The following OGFOD1 variants were observed in gnomAD, a reference collection of about 807,000 sequenced individuals.
OGFOD1 encodes 2-oxoglutarate and iron dependent oxygenase domain containing 1.
OGFOD1 carries 54 observed loss-of-function variants against 67.7 expected under a neutral mutation model. The ratio of observed to expected loss-of-function variants is 0.80; its 90% confidence interval spans 0.64 to 1.00. The LOEUF (loss-of-function observed/expected upper bound fraction) is 1.00. Among genes scored for constraint, OGFOD1 ranks in the 50% least tolerant of loss-of-function variants. The probability of loss-of-function intolerance (pLI) is 0.00; values close to 1 mark genes in which losing one functional copy is unlikely to be tolerated. For synonymous variants in OGFOD1, 221 were observed against 227.0 expected, an observed-to-expected ratio of 0.97 and a Z score of 0.24; for missense variants, 606 against 646.7, an observed-to-expected ratio of 0.94 and a Z score of 0.68.
chr16:56,476,745 C>T lies in OGFOD1; in HGVS notation c.*540C>T, dbSNP rs946958482. The T allele has an allele frequency of 6.6e-6, 1 of 152,288 alleles. No homozygotes were observed. The highest frequency in any genetic ancestry group is 1.5e-5 in the Non-Finnish European group (1 of 68,334). The allele number at this position is 152,288 out of a possible 1,614,324, so 9.4% of individuals were successfully genotyped here. A position where few individuals can be genotyped will look rare whatever the true frequency, so the allele number is the denominator to read the frequency against. ...TATTTCTCATGTAAGTGGAATCATA[C>T]AGTATTTGTCCTTTTGTGACTGGTT... On this transcript the variant is annotated 3_prime_UTR_variant, in exon 13 of 13. Transcript: ENST00000566157.
At chr16:56,461,333 C>T (rs1269879829) in intron 3 of OGFOD1, among the ~76,000 whole-genome samples, 1 of 152,184 alleles carries the variant, frequency 6.6e-6, no homozygotes. Flanking sequence ...GCTGAACTCC[C>T]ATGGAAGTGC....
Position 56,470,051 on chromosome 16 carries a change from G to A in OGFOD1, c.949G>A (p.Glu317Lys). The change falls in exon 9 of 13, where the codon GAA (glutamate) becomes AAA (lysine). Residue 317 changes from glutamate (E) to lysine (K), a missense_variant. Physicochemically the swap from Glu to Lys is moderately conservative, Grantham distance 56 (BLOSUM62 1). Coordinates refer to ENST00000566157, the MANE Select transcript of OGFOD1 (RefSeq NM_018233.4). ...TGAGGCCTTGGAGCATGGACATGTG[G>A]AATGGAGCAGCCGAGGTCCCCCTAA... is the stretch of plus-strand genomic sequence containing the variant. ...VCEALEHGHV[E>K]WSSRGPPNKR... 6.2e-7 allele frequency: 1 copy of A among 1,614,058 alleles called. No homozygotes were observed. Among genetic ancestry groups the A allele is most frequent in the African/African-American group, 1.3e-5 (1 of 74,982 alleles).
Position 56,451,593 on chromosome 16 carries a change from G to C in OGFOD1, c.-20G>C. The stretch of plus-strand genomic sequence containing the variant: ...GTAGCGTCTTGATCTGCGTGGCGTG[G>C]TTCTGTGCCTTGGGAAGAGATGAAT... On this transcript the variant is annotated 5_prime_UTR_variant, in exon 1 of 13. Coordinates refer to ENST00000566157, the MANE Select transcript of OGFOD1 (RefSeq NM_018233.4). The C allele has an allele frequency of 6.2e-7, 1 of 1,612,934 alleles. No homozygotes were observed. Among genetic ancestry groups the C allele is most frequent in the Non-Finnish European group, 8.5e-7 (1 of 1,179,926 alleles).
rs577991432 is a variant in OGFOD1 at position 56,475,028 on chromosome 16, A to G, written c.1408+78A>G. On this transcript the variant is annotated intron_variant, in intron 11 of 12. Coordinates refer to ENST00000566157, the MANE Select transcript of OGFOD1 (RefSeq NM_018233.4). ...CTTCTGAGGGACCCTTTCCAGCTGA[A>G]CCAATTCATAAGTAATTTGCCTAGT... The G allele has an allele frequency of 5.0e-5, 73 of 1,459,908 alleles. No homozygotes were observed. In the East Asian group the frequency reaches 1.4e-3, roughly 28 times the overall value. 90.4% of individuals were successfully genotyped at this position (1,459,908 alleles called of 1,614,324 possible). A position where few individuals can be genotyped will look rare whatever the true frequency, so the allele number is the denominator to read the frequency against.
rs769161113 is a variant in OGFOD1 at position 56,453,351 on chromosome 16, G to T, written c.243G>T (p.Lys81Asn). 1.2e-5 allele frequency: 20 copies of T among 1,613,934 alleles called. No individual in the cohort carries two copies. Among genetic ancestry groups the T allele is most frequent in the Non-Finnish European group, 1.6e-5 (19 of 1,179,972 alleles). The stretch of plus-strand genomic sequence containing the variant: ...AAGACTTCTTAGAAGGGCTTCAGAA[G>T]GAACTGATGAACTTGGACTTCCATG... The part of the protein sequence containing the change: ...QSQDFLEGLQ[K>N]ELMNLDFHEK... The change falls in exon 2 of 13, where the codon AAG becomes AAT. Residue 81 changes from lysine (K) to asparagine (N), a missense_variant. Coordinates refer to ENST00000566157, the MANE Select transcript of OGFOD1 (RefSeq NM_018233.4).
At chr16:56,461,999 A>G (rs1254055521) in intron 3 of OGFOD1, among the ~76,000 whole-genome samples, 1 of 152,054 alleles carries the variant, frequency 6.6e-6, no homozygotes, top group Non-Finnish European at 1.5e-5. Context: ...AGACTGAGGC[A>G]GGAGAATCAC....
At chr16:56,471,197 CAA>C (rs61143039) in intron 10 of OGFOD1, among the ~76,000 whole-genome samples, 4 of 132,916 alleles carry the variant, frequency 3.0e-5, no homozygotes, top group Non-Finnish European at 3.3e-5. Context: ...ACTAAAAATA[CAA>C]AAAAAAAAAA....
chr16:56,470,625 AGAT>A lies in OGFOD1; in HGVS notation c.1122_1124del (p.Asp374del), dbSNP rs1442566529. On this transcript the variant is annotated inframe_deletion, in exon 10 of 13. Coordinates refer to ENST00000566157, the MANE Select transcript of OGFOD1 (RefSeq NM_018233.4). Reference sequence around the variant, plus strand: ...TTCATTTCTTGGCCCCTTCGGAAGAAGATGAGATGAATGATAAAAAAGAGGCAG... The same window carrying A: ...TTCATTTCTTGGCCCCTTCGGAAGAAGAGATGAATGATAAAAAAGAGGCAG... 1 of 1,614,208 alleles carries A rather than the reference AGAT, an allele frequency of 6.2e-7. No homozygotes were observed. The highest frequency in any genetic ancestry group is 8.5e-7 in the Non-Finnish European group (1 of 1,180,038).
chr16:56,470,897 T>A, intron 10 of OGFOD1, 106 bp downstream of exon 10: 1 of 1,179,264 alleles, frequency 8.5e-7, no homozygotes. Context: ...CCCTAAGCCC[T>A]ATTTCAGGAA....
At chr16:56,458,744 T>C in intron 3 of OGFOD1, 150 bp downstream of exon 3, 2 of 646,940 alleles carry the variant, frequency 3.1e-6, no homozygotes, top group Admixed American at 2.8e-5. Flanking sequence ...GAAATTGAGT[T>C]TGCATAGCTT....
chr16:56,475,937 C>T (rs1010650967), intron 12 of OGFOD1, 107 bp from the exon 13 acceptor site: 8 of 1,014,010 alleles, frequency 7.9e-6, no homozygotes, highest in Non-Finnish European at 1.2e-5. Context: ...ACCCCTCTAT[C>T]CCCAGATTAA....
intron 4 of OGFOD1, 29 bp from the exon 5 acceptor site, chr16:56,466,123 G>GC: frequency 6.6e-7 from 1 of 1,520,352 alleles, no homozygotes; most frequent in Non-Finnish European, 9.1e-7. Context: ...TATCTGCAGG[G>GC]ATCTAAGGTG....
intron 5 of OGFOD1, 94 bp downstream of exon 5, chr16:56,466,362 T>A (rs1962900989): frequency 2.6e-6 from 2 of 768,354 alleles, no homozygotes; most frequent in Admixed American, 2.2e-5. Flanking sequence ...ATACAATGTC[T>A]GTACTCCTCA....
chr16:56,470,429 C>CT (rs1349843069), intron 9 of OGFOD1, 58 bp from the exon 10 acceptor site: 3 of 1,460,048 alleles, frequency 2.1e-6, no homozygotes, highest in Middle Eastern at 2.5e-4. Context: ...AGCTTTTATT[C>CT]TGTGAGTCAT....
rs139457551 is a variant in OGFOD1 at position 56,466,288 on chromosome 16, A to T, written c.565+20A>T. 6.7e-6 allele frequency: 10 copies of T among 1,492,266 alleles called. No individual in the cohort carries two copies. In the African/African-American group the frequency reaches 1.2e-4, roughly 18 times the overall value. 92.4% of individuals were successfully genotyped at this position (1,492,266 alleles called of 1,614,324 possible). A position where few individuals can be genotyped will look rare whatever the true frequency, so the allele number is the denominator to read the frequency against. ...TTGATGGTAAGATAAGTATAAGTGC[A>T]TGCACTTCACCACCAGTGGCACTTC... On this transcript the variant is annotated intron_variant, in intron 5 of 12. Transcript: ENST00000566157.
chr16:56,476,374 G>A lies in OGFOD1; in HGVS notation c.*169G>A. 8.1e-6 allele frequency: 4 copies of A among 491,616 alleles called. No individual in the cohort carries two copies. The East Asian group carries it at 1.4e-4, about 17-fold the overall frequency. 30.5% of individuals were successfully genotyped at this position (491,616 alleles called of 1,614,324 possible). ...AATGATTGTCCTCAACCGAGACCTT[G>A]AGCTTGCAGCTAAGTACTTATCTCT... On this transcript the variant is annotated 3_prime_UTR_variant, in exon 13 of 13. Coordinates refer to ENST00000566157, the MANE Select transcript of OGFOD1 (RefSeq NM_018233.4).
At chr16:56,471,600 C>T (rs1326769876) in intron 10 of OGFOD1, among the ~76,000 whole-genome samples, 2 of 152,154 alleles carry the variant, frequency 1.3e-5, no homozygotes, top group Non-Finnish European at 2.9e-5. Flanking sequence ...TTTACCATTC[C>T]CTGCTTCCAC....
At chr16:56,473,079 T>C (rs1279575708) in intron 10 of OGFOD1, among the ~76,000 whole-genome samples, 1 of 152,084 alleles carries the variant, frequency 6.6e-6, no homozygotes, top group South Asian at 2.1e-4. Flanking sequence ...TACAGGCGCA[T>C]GCCACCACGC....
intron 4 of OGFOD1, among the ~76,000 whole-genome samples, chr16:56,464,851 A>G (rs1047758839): frequency 1.3e-5 from 2 of 152,158 alleles, no homozygotes; most frequent in African/African-American, 4.8e-5. Flanking sequence ...GAAGAAAGAT[A>G]CTTAACAATC....
Sources: gnomAD v4.1 joint callset for allele counts (sites outside exome capture counted in the v4.1 genomes callset) on GRCh38, gnomAD v4.1.1 for gene constraint, MANE v1.5 for transcripts, NCBI Gene and HGNC (gene_info 2026-07-23, HGNC 2026-07-21) for gene names.